ZFP1: variants seen among roughly 807,000 people sequenced by gnomAD.
ZFP1 encodes the protein zinc finger protein 1 homolog.
In ZFP1, 32 loss-of-function variants were observed where a neutral mutation model predicts 38.5. The ratio of observed to expected loss-of-function variants is 0.83; its 90% CI spans 0.63 to 1.12. The LOEUF is 1.12. Ranked by LOEUF, ZFP1 falls within the 50% of genes most tolerant of loss-of-function variation. The pLI is 0.00. For synonymous variants in ZFP1, 245 were observed against 168.8 expected, an observed-to-expected ratio of 1.45 and a Z score of -3.50; for missense variants, 616 against 480.8, an observed-to-expected ratio of 1.28 and a Z score of -2.63.
At chr16:75,139,560 C>T in the ZFP1 span, among the ~76,000 whole-genome samples, 5 of 151,898 alleles carry the variant, frequency 3.3e-5, no homozygotes, top group South Asian at 2.1e-4. Context: ...GGCATGGTGG[C>T]GCACATGTGT....
chr16:75,146,379 G>C (rs1470086547), upstream of ZFP1, among the ~76,000 whole-genome samples: 1 of 152,006 alleles, frequency 6.6e-6, no homozygotes, highest in Non-Finnish European at 1.5e-5. Flanking sequence ...GTGTTAGCCA[G>C]GATGGTCTCG....
chr16:75,167,047 TATC>T (rs1261818615), intron 3 of ZFP1, 151 bp downstream of exon 3: 2 of 1,382,670 alleles, frequency 1.4e-6, no homozygotes, highest in East Asian at 2.4e-5. Context: ...TTTAAAGCTC[TATC>T]ATCTCCTTTC....
intron 2 of ZFP1, 47 bp from the exon 3 acceptor site, chr16:75,166,722 AT>A: frequency 6.2e-7 from 1 of 1,613,660 alleles, no homozygotes; most frequent in African/African-American, 1.3e-5. Flanking sequence ...TATCCTTTCT[AT>A]ATCACCAAAT....
rs1468091572 is a variant in ZFP1, at chr16:75,170,817, C to G, written c.*483C>G. On this transcript the variant is annotated 3_prime_UTR_variant, in exon 4 of 4. Transcript: ENST00000570010. Reference sequence around the variant, plus strand: ...ACATCACATGTGTTTTTCAGTATCTCTGCAATCCAGTATGCATTCCAAATG... The same window carrying G: ...ACATCACATGTGTTTTTCAGTATCTGTGCAATCCAGTATGCATTCCAAATG... 6.5e-6 allele frequency: 1 copy of G among 154,070 alleles called. No homozygotes were observed. Among genetic ancestry groups the G allele is most frequent in the South Asian group, 2.0e-4 (1 of 4,954 alleles). 9.5% of individuals were successfully genotyped at this position (154,070 alleles called of 1,614,324 possible).
chr16:75,127,118 C>T, the ZFP1 span, among the ~76,000 whole-genome samples: 4 of 152,182 alleles, frequency 2.6e-5, no homozygotes, highest in African/African-American at 4.8e-5. Flanking sequence ...TTGACTATGG[C>T]TGCTCTAAAA....
chr16:75,143,636 A>G (rs1014865419), upstream of ZFP1, among the ~76,000 whole-genome samples: 39 of 145,622 alleles, frequency 2.7e-4, no homozygotes, highest in Non-Finnish European at 4.2e-4. Flanking sequence ...CTGGGGATCC[A>G]GGAGGTGAAT....
At chr16:75,136,517 A>G in the ZFP1 span, among the ~76,000 whole-genome samples, 1 of 152,216 alleles carries the variant, frequency 6.6e-6, no homozygotes, top group Non-Finnish European at 1.5e-5. Context: ...ACAATTGAAG[A>G]ATCAGTAACA....
At chr16:75,153,991 T>C (rs987711177) in intron 2 of ZFP1, among the ~76,000 whole-genome samples, 12 of 152,178 alleles carry the variant, frequency 7.9e-5, no homozygotes, top group African/African-American at 2.4e-4. Context: ...CTTAGAAATA[T>C]GCATTTAAGG....
intron 2 of ZFP1, among the ~76,000 whole-genome samples, chr16:75,161,774 A>ATATATATATATATATATAT (rs1555523101): frequency 7.7e-4 from 6 of 7,826 alleles, no homozygotes; most frequent in Non-Finnish European, 1.7e-3. Context: ...ATATATATAT[A>ATATATATATATATATATAT]TTTTTTTTTT....
chr16:75,166,594 A>C (rs542415898), intron 2 of ZFP1, 176 bp from the exon 3 acceptor site: 38 of 985,078 alleles, frequency 3.9e-5, no homozygotes, highest in Non-Finnish European at 4.3e-5. Context: ...GGGGAATCTG[A>C]ATAAATCTCA....
upstream of ZFP1, among the ~76,000 whole-genome samples, chr16:75,144,727 A>T (rs2036925166): frequency 6.6e-6 from 1 of 152,044 alleles, no homozygotes; most frequent in South Asian, 2.1e-4. Flanking sequence ...GTCCCTGGTA[A>T]CTCTGTTTTA....
chr16:75,120,767 T>G, the ZFP1 span, among the ~76,000 whole-genome samples: 2 of 149,916 alleles, frequency 1.3e-5, no homozygotes, highest in East Asian at 4.0e-4. Flanking sequence ...CCAGCTTGTT[T>G]TTTGTTTGTT....
chr16:75,128,847 A>G, the ZFP1 span, among the ~76,000 whole-genome samples: 4 of 152,124 alleles, frequency 2.6e-5, no homozygotes, highest in Admixed American at 2.0e-4. Flanking sequence ...CTGGAGTGCA[A>G]TGGCACAATC....
At chr16:75,140,930 G>A in the ZFP1 span, among the ~76,000 whole-genome samples, 1 of 152,050 alleles carries the variant, frequency 6.6e-6, no homozygotes, top group African/African-American at 2.4e-5. Flanking sequence ...CTGCACTCTA[G>A]CCTGGGCGAC....
chr16:75,129,823 G>T, the ZFP1 span, among the ~76,000 whole-genome samples: 1 of 152,142 alleles, frequency 6.6e-6, no homozygotes, highest in African/African-American at 2.4e-5. Flanking sequence ...GATTTTTGGG[G>T]TTCACAGAGG....
intron 2 of ZFP1, among the ~76,000 whole-genome samples, chr16:75,161,424 C>G (rs558832416): frequency 6.6e-6 from 1 of 151,570 alleles, no homozygotes; most frequent in Non-Finnish European, 1.5e-5. Context: ...TCAGCATGAT[C>G]GTAAATGTGT....
At chr16:75,127,359 T>C in the ZFP1 span, among the ~76,000 whole-genome samples, 1 of 152,014 alleles carries the variant, frequency 6.6e-6, no homozygotes, top group African/African-American at 2.4e-5. Flanking sequence ...AAGTGATTCT[T>C]AACTCCGGCC....
chr16:75,159,383 T>C (rs1597057947), intron 2 of ZFP1, among the ~76,000 whole-genome samples: 1 of 7,486 alleles, frequency 1.3e-4, no homozygotes. Flanking sequence ...CTCCCTTCCT[T>C]CCTTTCTCTC....
intron 2 of ZFP1, among the ~76,000 whole-genome samples, chr16:75,156,381 C>G (rs1001162976): frequency 2.6e-5 from 4 of 152,270 alleles, no homozygotes; most frequent in African/African-American, 4.8e-5. Flanking sequence ...CGCTTGAACC[C>G]AGGAGGTGGA....
Sources: allele counts gnomAD v4.1 joint callset (sites outside exome capture counted in the v4.1 genomes callset), GRCh38; gene constraint gnomAD v4.1.1; transcripts MANE v1.5; gene names NCBI Gene and HGNC (gene_info 2026-07-23, HGNC 2026-07-21).